Variants in SH3PXD2A observed in about 807,000 individuals in gnomAD.
SH3PXD2A encodes the protein SH3 and PX domains 2A.
SH3PXD2A carries 32 observed loss-of-function variants against 115.2 expected under a neutral mutation model. The ratio of observed to expected loss-of-function variants is 0.28; its 90% CI spans 0.21 to 0.37. SH3PXD2A has a LOEUF of 0.37. Ranked by LOEUF, SH3PXD2A falls within the 10% of genes least tolerant of loss-of-function variation. SH3PXD2A has a pLI of 1.00. For missense variants in SH3PXD2A, 1,328 were observed against 1,498.7 expected, an observed-to-expected ratio of 0.89 and a Z score of 1.88; for synonymous variants, 610 against 629.1, an observed-to-expected ratio of 0.97 and a Z score of 0.45.
At chr10:103,712,657 G>A (rs2038059851) in intron 5 of SH3PXD2A, among the ~76,000 whole-genome samples, 1 of 152,228 alleles carries the variant, frequency 6.6e-6, no homozygotes, top group South Asian at 2.1e-4. Flanking sequence ...CAGGAAACCT[G>A]GGTTCCCCTT....
At chr10:103,811,078 G>A (rs996955845) in intron 1 of SH3PXD2A, among the ~76,000 whole-genome samples, 2 of 152,134 alleles carry the variant, frequency 1.3e-5, no homozygotes, top group African/African-American at 2.4e-5. Flanking sequence ...AAACAATGAC[G>A]GTCCCCAGGA....
At chr10:103,653,655 T>A (rs2037164475) in intron 8 of SH3PXD2A, among the ~76,000 whole-genome samples, 1 of 152,150 alleles carries the variant, frequency 6.6e-6, no homozygotes, top group Non-Finnish European at 1.5e-5. Context: ...AGCACCCCCA[T>A]GCTCACTGCC....
chr10:103,613,495 G>A (rs2036462596), intron 11 of SH3PXD2A, among the ~76,000 whole-genome samples: 1 of 152,188 alleles, frequency 6.6e-6, no homozygotes, highest in African/African-American at 2.4e-5. Context: ...ATCAACTTTT[G>A]GGTTGCCCAA....
intron 4 of SH3PXD2A, among the ~76,000 whole-genome samples, chr10:103,734,796 C>A (rs1227105038): frequency 6.6e-6 from 1 of 152,142 alleles, no homozygotes. Flanking sequence ...AAAGCTTTTT[C>A]ATTTGCTTGT....
At chr10:103,686,222 T>C (rs1420279962) in intron 6 of SH3PXD2A, among the ~76,000 whole-genome samples, 1 of 152,186 alleles carries the variant, frequency 6.6e-6, no homozygotes, top group African/African-American at 2.4e-5. Flanking sequence ...ACAACACTCT[T>C]GAGCAACCTC....
At chr10:103,711,267 C>A (rs949877665) in intron 5 of SH3PXD2A, among the ~76,000 whole-genome samples, 1 of 152,226 alleles carries the variant, frequency 6.6e-6, no homozygotes, top group Non-Finnish European at 1.5e-5. Flanking sequence ...CCTGGAATTT[C>A]CCTGGGTAGA....
At chr10:103,656,455 C>T (rs186946058) in intron 8 of SH3PXD2A, among the ~76,000 whole-genome samples, 5 of 152,324 alleles carry the variant, frequency 3.3e-5, no homozygotes, top group African/African-American at 1.2e-4. Flanking sequence ...AAACCAACGC[C>T]ACTCAAACAA....
At chr10:103,727,934 C>A (rs571306556) in intron 4 of SH3PXD2A, among the ~76,000 whole-genome samples, 4 of 152,232 alleles carry the variant, frequency 2.6e-5, no homozygotes, top group African/African-American at 9.6e-5. Flanking sequence ...GCAGTGAGTC[C>A]CCGCAGCCTG....
rs1181173228 is a variant in SH3PXD2A at position 103,612,863 on chromosome 10, C to T, written c.1248G>A (p.Arg416=). 1.9e-6 allele frequency: 3 copies of T among 1,561,714 alleles called. No individual in the cohort carries two copies. The highest frequency in any genetic ancestry group is 2.5e-5 in the South Asian group (2 of 80,900). ...CAGCGAGGCTCTTACTGATCTGGGCCCGCTGAGGGGCAATCCTGGCCACAG... is the reference window on the plus strand; with the variant it reads ...CAGCGAGGCTCTTACTGATCTGGGCTCGCTGAGGGGCAATCCTGGCCACAG... ...SPAVARIAPQ[R]AQISSPNLRT... is the part of the protein sequence containing the mutation. The change falls in exon 12 of 15, where the codon CGG becomes CGA. Residue 416 remains arginine, a synonymous_variant. Transcript: ENST00000369774.
intron 3 of SH3PXD2A, among the ~76,000 whole-genome samples, chr10:103,757,760 C>G (rs1270810921): frequency 1.3e-5 from 2 of 152,176 alleles, no homozygotes; most frequent in Admixed American, 1.3e-4. Context: ...GGCCGGATCC[C>G]CACCTTTCAT....
intron 5 of SH3PXD2A, among the ~76,000 whole-genome samples, chr10:103,705,333 C>A (rs1057260520): frequency 1.3e-5 from 2 of 152,248 alleles, no homozygotes; most frequent in Admixed American, 1.3e-4. Flanking sequence ...GGAGTCACCA[C>A]TGAGCAGTTC....
chr10:103,740,403 G>A (rs1589436469), intron 3 of SH3PXD2A, among the ~76,000 whole-genome samples: 1 of 152,176 alleles, frequency 6.6e-6, no homozygotes, highest in Admixed American at 6.5e-5. Flanking sequence ...GAAGGGAGAT[G>A]AGAACAGTTA....
intron 5 of SH3PXD2A, chr10:103,693,615 A>C (rs1230253600): frequency 6.6e-6 from 1 of 152,272 alleles, no homozygotes; most frequent in Non-Finnish European, 1.5e-5. Context: ...AGGTAATCAC[A>C]GATTTGTGTG....
intron 11 of SH3PXD2A, among the ~76,000 whole-genome samples, chr10:103,616,051 CG>C (rs1223864839): frequency 3.3e-5 from 1 of 30,728 alleles, no homozygotes; most frequent in Non-Finnish European, 6.0e-5. Context: ...GGGGTAGGGG[CG>C]GGGGGTGTGG....
At chr10:103,787,252 G>A (rs988842037) in intron 2 of SH3PXD2A, among the ~76,000 whole-genome samples, 1 of 152,016 alleles carries the variant, frequency 6.6e-6, no homozygotes, top group South Asian at 2.1e-4. Flanking sequence ...GCTCCAGCCC[G>A]CACCCTGGTT....
At chr10:103,777,643 A>T in intron 2 of SH3PXD2A, among the ~76,000 whole-genome samples, 1 of 152,236 alleles carries the variant, frequency 6.6e-6, no homozygotes, top group South Asian at 2.1e-4. Context: ...CCTCTCTCTG[A>T]TGCCCAAAAG....
chr10:103,713,184 C>T lies in SH3PXD2A; in HGVS notation c.398+11086G>A, dbSNP rs549160495. 2.0e-5 allele frequency among the ~76,000 whole-genome samples: 3 copies of T among 152,328 alleles called. No homozygotes were observed. In the East Asian group the frequency reaches 5.8e-4, roughly 29 times the overall value. On this transcript the variant is annotated intron_variant, in intron 5 of 14. Transcript: ENST00000369774. The stretch of plus-strand genomic sequence containing the variant: ...CCAAACTCCAACCACCCTCAAGATC[C>T]AACTTACAGAGCCTGTGAAGGGGAA...
At chr10:103,611,940 T>A (rs1417044582) in intron 12 of SH3PXD2A, among the ~76,000 whole-genome samples, 1 of 152,202 alleles carries the variant, frequency 6.6e-6, no homozygotes, top group Non-Finnish European at 1.5e-5. Context: ...TATCAGGTTT[T>A]CAAAGTTAGG....
At chr10:103,634,459 TCATC>T (rs1255446991) in intron 8 of SH3PXD2A, among the ~76,000 whole-genome samples, 1 of 152,230 alleles carries the variant, frequency 6.6e-6, no homozygotes, top group Non-Finnish European at 1.5e-5. Context: ...GTTCTTGTCA[TCATC>T]CATCCCACTT....
Sources: gnomAD v4.1 joint callset for allele counts (sites outside exome capture counted in the v4.1 genomes callset) on GRCh38, gnomAD v4.1.1 for gene constraint, MANE v1.5 for transcripts, NCBI Gene and HGNC (gene_info 2026-07-23, HGNC 2026-07-21) for gene names.